The following FNDC3A variants were observed in gnomAD, a reference collection of about 807,000 sequenced individuals.
FNDC3A encodes the protein fibronectin type III domain containing 3A.
In FNDC3A, 32 loss-of-function variants were observed where a neutral mutation model predicts 148.9. The ratio of observed to expected loss-of-function variants is 0.21; its 90% CI spans 0.16 to 0.29. The LOEUF (loss-of-function observed/expected upper bound fraction) is 0.29, where lower values mean the gene tolerates loss of function less well. FNDC3A is among the 10% of genes least tolerant of loss of function. The pLI, the probability that FNDC3A is intolerant of heterozygous loss-of-function variation, is 1.00. For missense variants in FNDC3A, 1,191 were observed against 1,452.8 expected (o/e 0.82, Z 2.93); for synonymous variants, 472 against 473.6 (o/e 1.00, Z 0.04).
rs1886744519 is a variant in FNDC3A at position 49,208,257 on chromosome 13, A to G, written c.*862A>G. 1 of 152,544 alleles carries G rather than the reference A, an allele frequency of 6.6e-6. No homozygotes were observed. The highest frequency in any genetic ancestry group is 6.5e-5 in the Admixed American group (1 of 15,276). 9.4% of individuals were successfully genotyped at this position (152,544 alleles called of 1,614,324 possible). A position where few individuals can be genotyped will look rare whatever the true frequency, so the allele number is the denominator to read the frequency against. On this transcript the variant is annotated 3_prime_UTR_variant, in exon 26 of 26. Coordinates refer to ENST00000492622, the MANE Select transcript of FNDC3A (RefSeq NM_001079673.2). ...TACATATATGGCATATAACAAGTGT[A>G]CACATATACACATAACAAGTGTAGA...
At position 49,197,746 on chromosome 13, in the gene FNDC3A, G is replaced by A. The variant is rs1360623363; in HGVS notation, c.2362G>A (p.Asp788Asn). 2 of 1,610,300 alleles carry A rather than the reference G, an allele frequency of 1.2e-6. No individual in the cohort carries two copies. Among genetic ancestry groups the A allele is most frequent in the Non-Finnish European group, 1.7e-6 (2 of 1,179,118 alleles). Residue 788 changes from aspartate to asparagine, a missense_variant, in exon 21 of 26, where the codon GAT (aspartate) becomes AAT (asparagine). Around this residue, in one of 3 missense-constraint regions of FNDC3A, gnomAD observed 751 missense variants for 944.0 expected, o/e 0.80. Coordinates refer to ENST00000492622, the MANE Select transcript of FNDC3A (RefSeq NM_001079673.2). ...AAAGGTTCCTTTGAGTAATGGAACA[G>A]ATGTCACTGAATATCGACTGGAGTG... Reference protein sequence around the residue: ...NWEVPLSNGTDVTEYRLEWGG... With the variant: ...NWEVPLSNGTNVTEYRLEWGG...
chr13:49,045,141 C>G, intron 2 of FNDC3A: 1 of 187,784 alleles, frequency 5.3e-6, no homozygotes, highest in South Asian at 9.5e-5. Flanking sequence ...CTTTCCCTTT[C>G]CTTTCCCTTT....
At chr13:49,001,958 A>G (rs574151227) in intron 1 of FNDC3A, among the ~76,000 whole-genome samples, 3 of 152,148 alleles carry the variant, frequency 2.0e-5, no homozygotes, top group East Asian at 3.9e-4. Flanking sequence ...TTTGAAAATC[A>G]CTAACAAAAA....
In FNDC3A at chr13:49,201,939, C is replaced by A. The variant is rs146827864; in HGVS notation, c.3127C>A (p.Pro1043Thr). ...PLSQEYIFTT[P>T]KSVPAALKAP... ...CTCCCAAGAATATATTTTCACTACTCCAAAATCTGTCCCAGCTGCCTTGAA... is the reference window on the plus strand; with the variant it reads ...CTCCCAAGAATATATTTTCACTACTACAAAATCTGTCCCAGCTGCCTTGAA... Residue 1043 changes from proline to threonine, a missense_variant, in exon 24 of 26, where the codon CCA becomes ACA. Around this residue, in one of 3 missense-constraint regions of FNDC3A, gnomAD observed 751 missense variants for 944.0 expected, o/e 0.80. Transcript: ENST00000492622. 3 of 1,582,400 alleles carry A rather than the reference C, an allele frequency of 1.9e-6. No homozygotes were observed. Among genetic ancestry groups the A allele is most frequent in the South Asian group, 1.2e-5 (1 of 85,750 alleles).
Position 49,081,078 on chromosome 13 carries a change from C to G in FNDC3A, c.175+5714C>G, listed in dbSNP as rs539764235. On this transcript the variant is annotated intron_variant, in intron 3 of 25. Coordinates refer to ENST00000492622, the MANE Select transcript of FNDC3A (RefSeq NM_001079673.2). The stretch of plus-strand genomic sequence containing the variant: ...TTCTTGAGCATTTATATGTGTCAAA[C>G]AAGTAGATGTGTTATAGCCAACAGT... 3.9e-5 allele frequency among the ~76,000 whole-genome samples: 6 copies of G among 152,250 alleles called. No homozygotes were observed. In the South Asian group the frequency reaches 1.2e-3, roughly 32 times the overall value.
At chr13:49,090,325 G>C (rs1406822349) in intron 3 of FNDC3A, among the ~76,000 whole-genome samples, 1 of 152,218 alleles carries the variant, frequency 6.6e-6, no homozygotes, top group African/African-American at 2.4e-5. Context: ...AGGAGGCTGA[G>C]AGAGGAGAAT....
intron 25 of FNDC3A, 29 bp from the exon 26 acceptor site, chr13:49,207,051 TA>T: frequency 6.5e-7 from 1 of 1,541,940 alleles, no homozygotes; most frequent in Non-Finnish European, 8.9e-7. Flanking sequence ...CCTTCACACG[TA>T]ATTCTTCCTT....
chr13:49,090,999 T>A (rs1879156117), intron 3 of FNDC3A, among the ~76,000 whole-genome samples: 1 of 152,158 alleles, frequency 6.6e-6, no homozygotes, highest in African/African-American at 2.4e-5. Context: ...GTCTCAAATC[T>A]GCTTTTACAG....
At chr13:49,005,244 A>C (rs529877138) in intron 1 of FNDC3A, among the ~76,000 whole-genome samples, 2 of 152,072 alleles carry the variant, frequency 1.3e-5, no homozygotes, top group South Asian at 2.1e-4. Context: ...ACATGAATTT[A>C]ATCTCTTATA....
chr13:49,133,457 A>G (rs891732468), intron 5 of FNDC3A, among the ~76,000 whole-genome samples: 6 of 152,204 alleles, frequency 3.9e-5, no homozygotes, highest in African/African-American at 1.2e-4. Context: ...GAAGGGCACA[A>G]ATCCACAAAT....
At chr13:49,034,841 C>T (rs2137672133) in intron 2 of FNDC3A, among the ~76,000 whole-genome samples, 1 of 152,066 alleles carries the variant, frequency 6.6e-6, no homozygotes, top group Admixed American at 6.5e-5. Context: ...ATATTTTAAA[C>T]TCAATCCTAA....
At chr13:49,073,506 C>T (rs1477821751) in intron 2 of FNDC3A, among the ~76,000 whole-genome samples, 2 of 151,668 alleles carry the variant, frequency 1.3e-5, no homozygotes, top group East Asian at 3.9e-4. Flanking sequence ...CACACCCAAC[C>T]TCATCTGACA....
At chr13:49,113,824 A>G (rs1181602252) in intron 3 of FNDC3A, among the ~76,000 whole-genome samples, 1 of 152,186 alleles carries the variant, frequency 6.6e-6, no homozygotes, top group Admixed American at 6.5e-5. Flanking sequence ...ACATAAAGCA[A>G]CTAAGATTTT....
chr13:49,000,701 G>T (rs1366474416), intron 1 of FNDC3A, among the ~76,000 whole-genome samples: 2 of 152,084 alleles, frequency 1.3e-5, no homozygotes, highest in Admixed American at 1.3e-4. Flanking sequence ...CTTTCACTTT[G>T]TGAACCTGGG....
At chr13:49,112,800 G>GA (rs1269530241) in intron 3 of FNDC3A, among the ~76,000 whole-genome samples, 2 of 151,976 alleles carry the variant, frequency 1.3e-5, no homozygotes, top group Non-Finnish European at 1.5e-5. Context: ...ATTATGAGGA[G>GA]AAAAAATATG....
intron 2 of FNDC3A, among the ~76,000 whole-genome samples, chr13:49,018,921 A>G (rs1258202889): frequency 6.6e-6 from 1 of 152,202 alleles, no homozygotes. Context: ...TTGGGGGGTC[A>G]GGGGTCAGGG....
At chr13:48,983,408 A>G (rs896310127) in intron 1 of FNDC3A, among the ~76,000 whole-genome samples, 1 of 152,222 alleles carries the variant, frequency 6.6e-6, no homozygotes, top group Non-Finnish European at 1.5e-5. Flanking sequence ...CTTTTTTAAT[A>G]TAAGAGAAGG....
chr13:49,042,202 A>G (rs902383594), intron 2 of FNDC3A, among the ~76,000 whole-genome samples: 3 of 152,152 alleles, frequency 2.0e-5, no homozygotes, highest in Non-Finnish European at 2.9e-5. Flanking sequence ...TCCATTGTAA[A>G]GCCATCTACT....
At chr13:49,013,852 G>T (rs1260223740) in intron 2 of FNDC3A, among the ~76,000 whole-genome samples, 2 of 150,348 alleles carry the variant, frequency 1.3e-5, no homozygotes, top group Non-Finnish European at 3.0e-5. Flanking sequence ...GTGGTGTTTG[G>T]TTTTTTGTTC....
Sources: gnomAD v4.1 joint callset for allele counts (sites outside exome capture counted in the v4.1 genomes callset) on GRCh38, gnomAD v4.1.1 for gene constraint, gnomAD v4.1.1 regional missense constraint, MANE v1.5 for transcripts, NCBI Gene and HGNC (gene_info 2026-07-23, HGNC 2026-07-21) for gene names.